RTKN2: variants seen among roughly 807,000 people sequenced by gnomAD.
RTKN2 encodes rhotekin 2.
A neutral mutation model predicts 71.5 loss-of-function variants in RTKN2; 69 were observed. The observed-to-expected ratio is 0.96, with a 90% CI of 0.79 to 1.18. The LOEUF is 1.18. RTKN2 is among the 50% of genes most tolerant of loss of function. RTKN2 has a pLI of 0.00. For synonymous variants in RTKN2, 236 were observed against 236.5 expected, an observed-to-expected ratio of 1.00 and a Z score of 0.02; for missense variants, 724 against 719.7, an observed-to-expected ratio of 1.01 and a Z score of -0.07.
chr10:62,239,762 G>A lies in RTKN2; in HGVS notation c.374C>T (p.Ser125Leu), dbSNP rs1403931572. The A allele has an allele frequency of 1.3e-6, 2 of 1,504,276 alleles. No homozygotes were observed. The allele number at this position is 1,504,276 out of a possible 1,614,324, so 93.2% of individuals were successfully genotyped here. ...TAAACAAAAAATGGCATAGCGTCGT[G>A]ATCCTGGAGGAAAAATAACAACATA... is the stretch of plus-strand genomic sequence containing the variant. ...DSDHFSNKER[S>L]RRYAIFCLFK... The change falls in exon 5 of 12, where the codon TCA (serine) becomes TTA (leucine). Residue 125 changes from serine to leucine, a missense_variant. Physicochemically the swap from Ser to Leu is moderately radical, Grantham distance 145. Transcript: ENST00000373789.
rs1215866776 is a variant in RTKN2 at position 62,223,269 on chromosome 10, G to T, written c.750C>A (p.Phe250Leu). 1 of 1,609,432 alleles carries T rather than the reference G, an allele frequency of 6.2e-7. No individual in the cohort carries two copies. Among genetic ancestry groups the T allele is most frequent in the African/African-American group, 1.3e-5 (1 of 74,812 alleles). The change falls in exon 7 of 12, where the codon TTC (phenylalanine) becomes TTA (leucine). Residue 250 changes from phenylalanine to leucine, a missense_variant. Coordinates refer to ENST00000373789, the MANE Select transcript of RTKN2 (RefSeq NM_145307.4). ...CATTAATAGACAGATTATGGGTCTT[G>T]AAACTATCCTCAGCACTTTCCAAGG... ...TLTLESAEDS[F>L]KTHNLSINGN...
intron 6 of RTKN2, among the ~76,000 whole-genome samples, chr10:62,227,961 T>A (rs1412330098): frequency 6.6e-6 from 1 of 152,082 alleles, no homozygotes; most frequent in East Asian, 1.9e-4. Flanking sequence ...TGAACTGAAA[T>A]GAGGCTGACT....
chr10:62,193,696 A>G lies in RTKN2; in HGVS notation c.*4212T>C, dbSNP rs766099938. The G allele has an allele frequency of 1.8e-4, 173 of 985,088 alleles. No individual in the cohort carries two copies. Among genetic ancestry groups the G allele is most frequent in the Admixed American group, 7.4e-4 (12 of 16,260 alleles). 61.0% of individuals were successfully genotyped at this position (985,088 alleles called of 1,614,324 possible). On this transcript the variant is annotated 3_prime_UTR_variant, in exon 12 of 12. Coordinates refer to ENST00000373789, the MANE Select transcript of RTKN2 (RefSeq NM_145307.4). ...AATAAGGAGACTCCTTGTGGCTAGT[A>G]GCGACTGAATATCCTACGTACCTAA... is the stretch of plus-strand genomic sequence containing the variant.
In RTKN2 at chr10:62,197,846, A is replaced by C; in HGVS notation, c.*62T>G. 6.6e-7 allele frequency: 1 copy of C among 1,509,104 alleles called. No homozygotes were observed. Among genetic ancestry groups the C allele is most frequent in the Non-Finnish European group, 8.9e-7 (1 of 1,129,010 alleles). The allele number at this position is 1,509,104 out of a possible 1,614,324, so 93.5% of individuals were successfully genotyped here. Reference sequence around the variant, plus strand: ...CTATATAATTACACATTATTCTATAATGCCTCTGAATTAAGCTTCACAGTT... The same window carrying C: ...CTATATAATTACACATTATTCTATACTGCCTCTGAATTAAGCTTCACAGTT... On this transcript the variant is annotated 3_prime_UTR_variant, in exon 12 of 12. Transcript: ENST00000373789.
At chr10:62,244,427 A>C (rs553833038) in intron 3 of RTKN2, among the ~76,000 whole-genome samples, 16 of 152,240 alleles carry the variant, frequency 1.1e-4, no homozygotes, top group African/African-American at 3.6e-4. Context: ...CTTTTACTTG[A>C]GCCTCCTTCT....
intron 2 of RTKN2, among the ~76,000 whole-genome samples, chr10:62,252,806 G>A (rs373698697): frequency 6.6e-6 from 1 of 151,812 alleles, no homozygotes; most frequent in East Asian, 1.9e-4. Flanking sequence ...TGGAGCTAAG[G>A]GAAATACATA....
chr10:62,202,207 C>T (rs1186788737), intron 10 of RTKN2, among the ~76,000 whole-genome samples: 4 of 152,044 alleles, frequency 2.6e-5, no homozygotes, highest in Admixed American at 2.0e-4. Flanking sequence ...TATTACATCC[C>T]CCTTGCCCAC....
chr10:62,203,787 C>T (rs768674821), intron 10 of RTKN2, among the ~76,000 whole-genome samples: 8 of 152,164 alleles, frequency 5.3e-5, no homozygotes, highest in Non-Finnish European at 8.8e-5. Flanking sequence ...CCCTCTAGTT[C>T]GATGCTGTGA....
chr10:62,210,795 G>T (rs1841643927), intron 9 of RTKN2, among the ~76,000 whole-genome samples: 1 of 151,940 alleles, frequency 6.6e-6, no homozygotes, highest in Non-Finnish European at 1.5e-5. Context: ...AATTAAATCA[G>T]ATGTAAACTC....
At chr10:62,210,979 A>G (rs1841647557) in intron 9 of RTKN2, among the ~76,000 whole-genome samples, 1 of 152,160 alleles carries the variant, frequency 6.6e-6, no homozygotes, top group Non-Finnish European at 1.5e-5. Flanking sequence ...AGTATTTTCA[A>G]AACAATTTAT....
chr10:62,186,077 C>A (rs1841130402), intron 8 of RTKN2, among the ~76,000 whole-genome samples: 1 of 152,234 alleles, frequency 6.6e-6, no homozygotes, highest in African/African-American at 2.4e-5. Flanking sequence ...GCTTTCAGCA[C>A]TGCAATGGCT....
intron 2 of RTKN2, among the ~76,000 whole-genome samples, chr10:62,248,231 T>C (rs1842513638): frequency 6.6e-6 from 1 of 152,116 alleles, no homozygotes; most frequent in Non-Finnish European, 1.5e-5. Context: ...TCTTAGAGAA[T>C]TAAGTCTGTC....
chr10:62,259,140 T>A (rs986050759), intron 2 of RTKN2: 4 of 442,824 alleles, frequency 9.0e-6, no homozygotes, highest in Non-Finnish European at 1.8e-5. Context: ...GATGGTTTTA[T>A]AAAGGGCAGT....
chr10:62,248,005 G>A (rs547036539), intron 2 of RTKN2, among the ~76,000 whole-genome samples: 153 of 152,122 alleles, frequency 1.0e-3, no homozygotes, highest in African/African-American at 2.1e-3. Flanking sequence ...TTTGGCAGGC[G>A]AATGAAATTC....
chr10:62,247,847 AT>A (rs1842507702), intron 2 of RTKN2, among the ~76,000 whole-genome samples: 1 of 152,084 alleles, frequency 6.6e-6, no homozygotes, highest in Admixed American at 6.5e-5. Flanking sequence ...TGAGCAATGC[AT>A]AATATAAATT....
rs1288512020 is a variant in RTKN2, at chr10:62,221,469, G to GT, written c.781+1768dup. On this transcript the variant is annotated intron_variant, in intron 7 of 11. Coordinates refer to ENST00000373789, the MANE Select transcript of RTKN2 (RefSeq NM_145307.4). ...AAATACGAAAGGACTAAAAGCTTCGGTAAAAAAAAGATTGTCAAATTAGAG... is the reference window on the plus strand; with the variant it reads ...AAATACGAAAGGACTAAAAGCTTCGGTTAAAAAAAAGATTGTCAAATTAGAG... 2.6e-5 allele frequency among the ~76,000 whole-genome samples: 4 copies of GT among 151,830 alleles called. No homozygotes were observed. The East Asian group carries it at 7.7e-4, about 29-fold the overall frequency.
rs1181952917 is a variant in RTKN2 at position 62,268,489 on chromosome 10, T to C, written c.60+62A>G. 4 of 1,466,142 alleles carry C rather than the reference T, an allele frequency of 2.7e-6. No homozygotes were observed. In the African/African-American group the frequency reaches 4.2e-5, roughly 16 times the overall value. The allele number at this position is 1,466,142 out of a possible 1,614,324, so 90.8% of individuals were successfully genotyped here. ...TTTCCCGACTCCTCCACAAAGCAAA[T>C]GCGCGAGGAACAGAACCCCGGCTCC... On this transcript the variant is annotated intron_variant, in intron 1 of 11. Coordinates refer to ENST00000373789, the MANE Select transcript of RTKN2 (RefSeq NM_145307.4).
intron 11 of RTKN2, 145 bp from the exon 12 acceptor site, chr10:62,198,588 C>A: frequency 1.7e-6 from 1 of 603,496 alleles, no homozygotes. Context: ...GTAAAAATAA[C>A]CACACCATCA....
chr10:62,210,338 T>C (rs992780710), intron 9 of RTKN2, among the ~76,000 whole-genome samples: 1 of 152,158 alleles, frequency 6.6e-6, no homozygotes, highest in African/African-American at 2.4e-5. Context: ...TCTCTAGGAT[T>C]TGCTTCAAAA....
Sources: gnomAD v4.1 joint callset for allele counts (sites outside exome capture counted in the v4.1 genomes callset) on GRCh38, gnomAD v4.1.1 for gene constraint, MANE v1.5 for transcripts, NCBI Gene and HGNC (gene_info 2026-07-23, HGNC 2026-07-21) for gene names.